Variants in SLC39A11 observed in about 807,000 individuals in gnomAD.
SLC39A11 encodes the protein zinc transporter ZIP11.
Under a neutral mutation model 36.1 loss-of-function variants are expected in SLC39A11, and 33 were observed. The ratio of observed to expected loss-of-function variants is 0.91; its 90% confidence interval spans 0.69 to 1.22. SLC39A11 has a LOEUF of 1.22. Ranked by LOEUF, SLC39A11 falls within the 50% of genes most tolerant of loss-of-function variation. The pLI, the probability that SLC39A11 is intolerant of heterozygous loss-of-function variation, is 0.00. For synonymous variants in SLC39A11, 166 were observed against 170.3 expected (o/e 0.97, Z 0.20); for missense variants, 432 against 430.3 (o/e 1.00, Z -0.03).
At chr17:73,042,674 A>G (rs1176705349) in intron 3 of SLC39A11, among the ~76,000 whole-genome samples, 1 of 152,122 alleles carries the variant, frequency 6.6e-6, no homozygotes, top group Non-Finnish European at 1.5e-5. Context: ...GTTGGCGGGC[A>G]CCTGTAATCT....
intron 6 of SLC39A11, chr17:72,818,938 A>T (rs1402923484): frequency 6.6e-6 from 1 of 152,144 alleles, no homozygotes; most frequent in Non-Finnish European, 1.5e-5. Context: ...AGTTATCTTC[A>T]CTTTGAGAAG....
At chr17:72,868,291 A>G (rs1470584405) in intron 5 of SLC39A11, among the ~76,000 whole-genome samples, 1 of 152,132 alleles carries the variant, frequency 6.6e-6, no homozygotes, top group African/African-American at 2.4e-5. Context: ...AAACTCCCCA[A>G]CTCTGCATGA....
intron 3 of SLC39A11, among the ~76,000 whole-genome samples, chr17:73,044,626 C>A (rs2059212321): frequency 6.6e-6 from 1 of 152,086 alleles, no homozygotes; most frequent in Non-Finnish European, 1.5e-5. Context: ...GTAATTCCAG[C>A]AATTTGGGAG....
intron 6 of SLC39A11, among the ~76,000 whole-genome samples, chr17:72,836,653 T>C (rs948215080): frequency 8.5e-5 from 13 of 152,196 alleles, no homozygotes; most frequent in African/African-American, 3.1e-4. Flanking sequence ...GGGCTTGATC[T>C]TTAAACTTTC....
In SLC39A11 at chr17:72,930,520, GT is replaced by G. The variant is rs201741580; in HGVS notation, c.430+17231del. Among the ~76,000 whole-genome samples the G allele has an allele frequency of 4.0e-3, 602 of 152,274 alleles. 4 individuals carry two copies. Among genetic ancestry groups the G allele is most frequent in the African/African-American group, 0.013 (555 of 41,554 alleles). The stretch of plus-strand genomic sequence containing the variant: ...AAGTTGAGTAGTACTGGAACATAAG[GT>G]TCTGAGGAAAAGAAAATGAAGATGG... On this transcript the variant is annotated intron_variant, in intron 5 of 9. Transcript: ENST00000255559.
intron 4 of SLC39A11, among the ~76,000 whole-genome samples, chr17:73,029,125 C>A (rs34326630): frequency 0.88 from 130,920 of 148,998 alleles, 58,954 homozygotes; most frequent in Middle Eastern, 0.97. Flanking sequence ...CACACACACA[C>A]AAAAAAAAAT....
intron 4 of SLC39A11, among the ~76,000 whole-genome samples, chr17:73,001,404 G>A (rs1209675849): frequency 1.7e-5 from 2 of 120,628 alleles, no homozygotes; most frequent in Middle Eastern, 5.4e-3. Flanking sequence ...CACACTCTGG[G>A]GACTGTTGTG....
intron 7 of SLC39A11, among the ~76,000 whole-genome samples, chr17:72,661,066 T>C (rs1327774608): frequency 6.6e-6 from 1 of 152,164 alleles, no homozygotes; most frequent in Non-Finnish European, 1.5e-5. Flanking sequence ...CTAGCCTCAG[T>C]GGAGTGCAGG....
intron 5 of SLC39A11, among the ~76,000 whole-genome samples, chr17:72,936,177 G>A (rs1046983031): frequency 3.9e-5 from 6 of 152,062 alleles, no homozygotes; most frequent in East Asian, 3.9e-4. Flanking sequence ...CAGCCTGGGC[G>A]ACAGAGTGAG....
chr17:72,844,931 G>A (rs892974531), intron 6 of SLC39A11, among the ~76,000 whole-genome samples: 4 of 152,126 alleles, frequency 2.6e-5, no homozygotes, highest in Admixed American at 1.3e-4. Context: ...TGAAACCTCC[G>A]GGTCCCTCCT....
At chr17:73,060,210 C>CAAAAAAAAAAAAAAAAAAAGAAAAAAA (rs2059797398) in intron 3 of SLC39A11, among the ~76,000 whole-genome samples, 1 of 70,352 alleles carries the variant, frequency 1.4e-5, no homozygotes, top group Admixed American at 1.8e-4. Context: ...AACTCCATCT[C>CAAAAAAAAAAAAAAAAAAAGAAAAAAA]AAAAAAAAAA....
intron 6 of SLC39A11, among the ~76,000 whole-genome samples, chr17:72,815,005 G>A (rs953610252): frequency 3.3e-5 from 5 of 152,176 alleles, no homozygotes; most frequent in Non-Finnish European, 5.9e-5. Context: ...AGGGTAGGGG[G>A]TAAAAAACTA....
intron 7 of SLC39A11, among the ~76,000 whole-genome samples, chr17:72,725,174 C>T (rs2073875415): frequency 6.6e-6 from 1 of 152,158 alleles, no homozygotes; most frequent in Non-Finnish European, 1.5e-5. Flanking sequence ...TCACCCTCTC[C>T]CCTCCAAATG....
intron 6 of SLC39A11, among the ~76,000 whole-genome samples, chr17:72,794,151 G>A (rs2076811878): frequency 6.6e-6 from 1 of 152,118 alleles, no homozygotes; most frequent in African/African-American, 2.4e-5. Flanking sequence ...GGGAACGCCT[G>A]GGAACAGTCA....
intron 5 of SLC39A11, among the ~76,000 whole-genome samples, chr17:72,860,401 G>A (rs777536334): frequency 1.3e-5 from 2 of 152,174 alleles, no homozygotes; most frequent in Admixed American, 6.5e-5. Context: ...GTATGTGTGC[G>A]AGACAGAATA....
At chr17:72,780,705 T>C (rs926542453) in intron 6 of SLC39A11, among the ~76,000 whole-genome samples, 5 of 152,178 alleles carry the variant, frequency 3.3e-5, no homozygotes, top group African/African-American at 1.2e-4. Flanking sequence ...TCCCAAATCA[T>C]GCCGGGCGTG....
At chr17:72,934,968 G>A (rs2084652093) in intron 5 of SLC39A11, among the ~76,000 whole-genome samples, 1 of 152,136 alleles carries the variant, frequency 6.6e-6, no homozygotes, top group Non-Finnish European at 1.5e-5. Context: ...TTTAGAAAAC[G>A]GTTTGGAGGT....
chr17:72,794,516 G>C (rs763473914), intron 6 of SLC39A11, among the ~76,000 whole-genome samples: 2 of 151,998 alleles, frequency 1.3e-5, no homozygotes, highest in Non-Finnish European at 2.9e-5. Flanking sequence ...TGGTCCCCAA[G>C]GCCCCGGTGT....
chr17:72,809,399 C>G (rs2077366556), intron 6 of SLC39A11, among the ~76,000 whole-genome samples: 1 of 152,152 alleles, frequency 6.6e-6, no homozygotes, highest in South Asian at 2.1e-4. Context: ...CAGATCACAA[C>G]CAACCATCCT....
Sources: allele counts gnomAD v4.1 joint callset (sites outside exome capture counted in the v4.1 genomes callset), GRCh38; gene constraint gnomAD v4.1.1; transcripts MANE v1.5; gene names NCBI Gene and HGNC (gene_info 2026-07-23, HGNC 2026-07-21).